The following EPB41L3 variants were observed in gnomAD, a reference collection of about 807,000 sequenced individuals.
EPB41L3 encodes the protein erythrocyte membrane protein band 4.1 like 3, also known as band 4.1-like protein 3.
A neutral mutation model predicts 127.1 loss-of-function variants in EPB41L3; 57 were observed. The observed-to-expected ratio is 0.45, with a 90% confidence interval of 0.36 to 0.56. The LOEUF (loss-of-function observed/expected upper bound fraction) is 0.56. Ranked by LOEUF, EPB41L3 falls within the 20% of genes least tolerant of loss-of-function variation. The probability of loss-of-function intolerance (pLI) is 0.00; values close to 1 mark genes in which losing one functional copy is unlikely to be tolerated. For synonymous variants in EPB41L3, 572 were observed against 549.5 expected, an observed-to-expected ratio of 1.04 and a Z score of -0.57; for missense variants, 1,273 against 1,372.2, an observed-to-expected ratio of 0.93 and a Z score of 1.14.
At chr18:5,542,145 C>T (rs1020061139) in intron 1 of EPB41L3, among the ~76,000 whole-genome samples, 6 of 152,190 alleles carry the variant, frequency 3.9e-5, no homozygotes, top group African/African-American at 1.4e-4. Context: ...AATTAACATG[C>T]ATTTTTTAAA....
chr18:5,450,636 G>T (rs9961717), intron 3 of EPB41L3, among the ~76,000 whole-genome samples: 2,178 of 150,456 alleles, frequency 0.014, 55 homozygotes, highest in African/African-American at 0.05. Context: ...AATTAAAAAG[G>T]TTAGTAAAAA....
chr18:5,623,004 T>C (rs576112182), intron 1 of EPB41L3, among the ~76,000 whole-genome samples: 1 of 140,720 alleles, frequency 7.1e-6, no homozygotes, highest in Non-Finnish European at 1.5e-5. Flanking sequence ...ACTAAAATAT[T>C]CGGTCTCACT....
At chr18:5,532,942 T>C (rs895500686) in intron 1 of EPB41L3, among the ~76,000 whole-genome samples, 5 of 152,022 alleles carry the variant, frequency 3.3e-5, no homozygotes, top group South Asian at 2.1e-4. Context: ...AGAGGTATGA[T>C]GGTAAGTCAA....
chr18:5,403,210 G>A (rs1323873307), intron 16 of EPB41L3, among the ~76,000 whole-genome samples: 1 of 152,098 alleles, frequency 6.6e-6, no homozygotes, highest in Non-Finnish European at 1.5e-5. Context: ...TATGTTTGGT[G>A]GGCCCTGTGT....
At chr18:5,433,586 T>C (rs2079301767) in intron 7 of EPB41L3, 30 bp from the exon 8 acceptor site, 1 of 1,574,434 alleles carries the variant, frequency 6.4e-7, no homozygotes. Flanking sequence ...GTTACAATGA[T>C]GCTTTTCCCT....
intron 1 of EPB41L3, among the ~76,000 whole-genome samples, chr18:5,513,839 C>T (rs573147399): frequency 3.3e-5 from 5 of 152,234 alleles, no homozygotes; most frequent in African/African-American, 1.2e-4. Context: ...CCAGGATATA[C>T]AGAATATTGT....
chr18:5,588,355 A>T (rs2094457689), intron 3 of EPB41L3, among the ~76,000 whole-genome samples: 1 of 152,138 alleles, frequency 6.6e-6, no homozygotes, highest in African/African-American at 2.4e-5. Flanking sequence ...TTTCCTAATT[A>T]TAAATGAGTA....
chr18:5,514,618 T>C (rs144308709), intron 1 of EPB41L3, among the ~76,000 whole-genome samples: 6 of 152,326 alleles, frequency 3.9e-5, no homozygotes, highest in African/African-American at 1.4e-4. Flanking sequence ...AAAACATTAA[T>C]GAAAGTTACA....
At chr18:5,407,145 G>A (rs186860412) in intron 15 of EPB41L3, 177 bp from the exon 16 acceptor site, 6 of 595,168 alleles carry the variant, frequency 1.0e-5, no homozygotes, top group Middle Eastern at 4.6e-4. Context: ...TTTTCCCATG[G>A]AAAGGAAACA....
intron 3 of EPB41L3, among the ~76,000 whole-genome samples, chr18:5,573,505 C>G (rs900329227): frequency 6.6e-6 from 1 of 152,154 alleles, no homozygotes; most frequent in Non-Finnish European, 1.5e-5. Flanking sequence ...TGGCTAGAGA[C>G]AGGGTAGGGA....
chr18:5,618,280 A>C (rs1403257240), intron 1 of EPB41L3, among the ~76,000 whole-genome samples: 2 of 152,232 alleles, frequency 1.3e-5, no homozygotes, highest in African/African-American at 4.8e-5. Flanking sequence ...ATGCTCTTAG[A>C]AACAAAATCT....
At chr18:5,531,994 T>A (rs1347874679) in intron 1 of EPB41L3, among the ~76,000 whole-genome samples, 1 of 152,174 alleles carries the variant, frequency 6.6e-6, no homozygotes, top group Admixed American at 6.5e-5. Context: ...ACTATCTGTT[T>A]AGCAGTTAAC....
chr18:5,569,826 C>T (rs764551297), intron 3 of EPB41L3, among the ~76,000 whole-genome samples: 5 of 152,100 alleles, frequency 3.3e-5, no homozygotes, highest in East Asian at 1.9e-4. Flanking sequence ...GCAGAACGCT[C>T]GGATTTTTGT....
chr18:5,582,213 C>T (rs558263971), intron 3 of EPB41L3, among the ~76,000 whole-genome samples: 26 of 152,224 alleles, frequency 1.7e-4, no homozygotes, highest in African/African-American at 6.0e-4. Context: ...CTGGTCACTC[C>T]GTTTTGCTGG....
At chr18:5,499,035 T>C (rs1186244520) in intron 1 of EPB41L3, among the ~76,000 whole-genome samples, 1 of 152,226 alleles carries the variant, frequency 6.6e-6, no homozygotes, top group East Asian at 1.9e-4. Flanking sequence ...CTATAAGCCA[T>C]GTGTGATGGT....
At chr18:5,489,488 A>G (rs2090332224) in intron 1 of EPB41L3, 2 of 340,874 alleles carry the variant, frequency 5.9e-6, no homozygotes, top group African/African-American at 4.3e-5. Context: ...GACATTAAAG[A>G]AATGTCATAA....
chr18:5,450,976 G>A (rs1246562864), intron 3 of EPB41L3, among the ~76,000 whole-genome samples: 1 of 152,150 alleles, frequency 6.6e-6, no homozygotes, highest in Non-Finnish European at 1.5e-5. Context: ...AGCACTACGT[G>A]ACTGCCTGAT....
At chr18:5,399,630 T>G (rs2074161047) in intron 16 of EPB41L3, 1 of 342,144 alleles carries the variant, frequency 2.9e-6, no homozygotes, top group South Asian at 1.5e-4. Context: ...GAACATACTT[T>G]GCAGTAAATT....
At chr18:5,593,325 C>G (rs1200020702) in intron 3 of EPB41L3, among the ~76,000 whole-genome samples, 1 of 151,826 alleles carries the variant, frequency 6.6e-6, no homozygotes, top group African/African-American at 2.4e-5. Context: ...GGAGAGAGTA[C>G]AAAAGAGAAA....
Sources: allele counts gnomAD v4.1 joint callset (sites outside exome capture counted in the v4.1 genomes callset), GRCh38; gene constraint gnomAD v4.1.1; transcripts MANE v1.5; gene names NCBI Gene and HGNC (gene_info 2026-07-23, HGNC 2026-07-21).